Variants in DAB1 observed in about 807,000 individuals in gnomAD.
The protein encoded by DAB1 is DAB adaptor protein 1.
A neutral mutation model predicts 64.6 loss-of-function variants in DAB1; 15 were observed. That is an observed-to-expected ratio of 0.23 (90% CI 0.16 to 0.36). DAB1 has a LOEUF of 0.36. Among genes scored for constraint, DAB1 ranks in the 10% least tolerant of loss-of-function variants. DAB1 has a pLI of 1.00. For missense variants in DAB1, 596 were observed against 706.7 expected (o/e 0.84, Z 1.78); for synonymous variants, 235 against 251.9 (o/e 0.93, Z 0.64).
At chr1:57,781,807 C>A (rs1337596492) in intron 6 of DAB1, among the ~76,000 whole-genome samples, 1 of 151,362 alleles carries the variant, frequency 6.6e-6, no homozygotes, top group Non-Finnish European at 1.5e-5. Flanking sequence ...TAATTTGGTA[C>A]CTTGAAGACA....
chr1:57,853,421 A>C (rs1653619233), intron 1 of DAB1, among the ~76,000 whole-genome samples: 1 of 152,152 alleles, frequency 6.6e-6, no homozygotes, highest in African/African-American at 2.4e-5. Context: ...TTGTGATGTG[A>C]TTCTCCCTTT....
intron 5 of DAB1, among the ~76,000 whole-genome samples, chr1:57,932,401 C>T (rs950666382): frequency 6.6e-6 from 1 of 151,690 alleles, no homozygotes; most frequent in Admixed American, 6.6e-5. Context: ...AAATTTTTGC[C>T]TGCAATTCTC....
intron 2 of DAB1, among the ~76,000 whole-genome samples, chr1:57,284,744 T>C (rs1570160881): frequency 6.6e-6 from 1 of 152,268 alleles, no homozygotes; most frequent in Admixed American, 6.5e-5. Context: ...ATTTATAAGC[T>C]CCTATGAGGT....
intron 4 of DAB1, among the ~76,000 whole-genome samples, chr1:58,154,829 T>C (rs892727221): frequency 1.3e-5 from 2 of 152,118 alleles, no homozygotes; most frequent in Non-Finnish European, 2.9e-5. Context: ...CCCAGTTACT[T>C]TGGAATAGAG....
intron 6 of DAB1, among the ~76,000 whole-genome samples, chr1:57,670,112 A>G (rs924125280): frequency 6.6e-6 from 1 of 152,164 alleles, no homozygotes; most frequent in African/African-American, 2.4e-5. Context: ...CATACGCAAA[A>G]GCTGGCACTT....
chr1:57,389,186 C>T (rs879536176), intron 1 of DAB1, among the ~76,000 whole-genome samples: 4 of 152,314 alleles, frequency 2.6e-5, no homozygotes, highest in Admixed American at 2.6e-4. Flanking sequence ...CTCCTACACC[C>T]GTAAACACAC....
chr1:57,418,905 T>C (rs1466463154), intron 1 of DAB1, among the ~76,000 whole-genome samples: 3 of 152,168 alleles, frequency 2.0e-5, no homozygotes, highest in African/African-American at 7.2e-5. Flanking sequence ...AAAGAACATG[T>C]CAAAGAAAAA....
intron 1 of DAB1, among the ~76,000 whole-genome samples, chr1:57,324,456 T>C (rs1019483226): frequency 1.3e-5 from 2 of 152,096 alleles, no homozygotes; most frequent in African/African-American, 2.4e-5. Flanking sequence ...AAAGAAGCAG[T>C]CAATAAAACC....
At chr1:57,714,584 G>C (rs1018224200) in intron 6 of DAB1, among the ~76,000 whole-genome samples, 3 of 152,186 alleles carry the variant, frequency 2.0e-5, no homozygotes, top group African/African-American at 4.8e-5. Context: ...ATTGGAACTT[G>C]AAATGGAACA....
At chr1:58,377,504 G>T (rs1644339967) in intron 3 of DAB1, among the ~76,000 whole-genome samples, 1 of 136,688 alleles carries the variant, frequency 7.3e-6, no homozygotes, top group South Asian at 2.4e-4. Flanking sequence ...GTTGAATATT[G>T]GCCCCCACTC....
intron 5 of DAB1, among the ~76,000 whole-genome samples, chr1:58,094,338 T>C (rs941890321): frequency 6.6e-6 from 1 of 152,184 alleles, no homozygotes; most frequent in Admixed American, 6.5e-5. Context: ...AGTGGATTGT[T>C]TTCCTGATTG....
At chr1:56,999,059 T>C (rs772462440) in intron 14 of DAB1, among the ~76,000 whole-genome samples, 1 of 152,194 alleles carries the variant, frequency 6.6e-6, no homozygotes, top group Non-Finnish European at 1.5e-5. Context: ...CACAATGAAA[T>C]CCTAATTTTA....
intron 2 of DAB1, among the ~76,000 whole-genome samples, chr1:58,514,453 CT>C (rs1646129025): frequency 6.6e-6 from 1 of 152,194 alleles, no homozygotes; most frequent in African/African-American, 2.4e-5. Flanking sequence ...AAAAGTATCT[CT>C]GAATTTTGCT....
At chr1:58,267,761 C>T (rs899472525) in intron 4 of DAB1, among the ~76,000 whole-genome samples, 5 of 152,250 alleles carry the variant, frequency 3.3e-5, no homozygotes, top group African/African-American at 4.8e-5. Context: ...TTTAACCCAA[C>T]GATGAAATCA....
chr1:58,176,788 G>A (rs1474386982), intron 4 of DAB1, among the ~76,000 whole-genome samples: 2 of 152,026 alleles, frequency 1.3e-5, no homozygotes, highest in African/African-American at 2.4e-5. Flanking sequence ...AACCATCCTC[G>A]CTAACACGGT....
At chr1:57,279,034 C>T (rs1671688594) in intron 2 of DAB1, among the ~76,000 whole-genome samples, 1 of 152,148 alleles carries the variant, frequency 6.6e-6, no homozygotes, top group African/African-American at 2.4e-5. Flanking sequence ...TGGGGATGCC[C>T]GCTGGGAGGT....
Position 57,576,635 on chromosome 1 carries a change from C to T in DAB1, n.625+72957G>A, listed in dbSNP as rs568832315. 1.0e-3 allele frequency among the ~76,000 whole-genome samples: 156 copies of T among 152,200 alleles called. 3 individuals are homozygous for T. Among genetic ancestry groups the T allele is most frequent in the Admixed American group, 9.9e-3 (151 of 15,298 alleles). On this transcript the variant is annotated intron_variant and non_coding_transcript_variant, in intron 7 of 20. Transcript: ENST00000485760. ...CCTCGATTTTGGATTTTTTGGCCTC[C>T]GGAACTGTGAGATGATAGATTTCTG...
intron 2 of DAB1, among the ~76,000 whole-genome samples, chr1:57,146,983 A>G (rs1284369018): frequency 6.6e-6 from 1 of 151,838 alleles, no homozygotes; most frequent in Non-Finnish European, 1.5e-5. Context: ...TGTGTGAAGT[A>G]TGTATTTACA....
chr1:57,651,710 G>A (rs528293580), intron 6 of DAB1, among the ~76,000 whole-genome samples: 6 of 151,994 alleles, frequency 3.9e-5, no homozygotes, highest in Admixed American at 3.3e-4. Context: ...CAGGCTTAAA[G>A]TTCATGTCTT....
Sources: gnomAD v4.1 joint callset for allele counts (sites outside exome capture counted in the v4.1 genomes callset) on GRCh38, gnomAD v4.1.1 for gene constraint, MANE v1.5 for transcripts, NCBI Gene and HGNC (gene_info 2026-07-23, HGNC 2026-07-21) for gene names.